The following B4GALT5 variants were observed in gnomAD, a reference collection of about 807,000 sequenced individuals.
The protein encoded by B4GALT5 is UDP-Gal:beta-GlcNAc beta-1,4-galactosyltransferase 5.
A neutral mutation model predicts 45.0 loss-of-function variants in B4GALT5; 11 were observed. The ratio of observed to expected loss-of-function variants is 0.24; its 90% CI spans 0.15 to 0.40. B4GALT5 has a LOEUF of 0.40. B4GALT5 is among the 10% of genes least tolerant of loss of function. The pLI is 1.00. For synonymous variants in B4GALT5, 185 were observed against 182.9 expected (o/e 1.01, Z -0.09); for missense variants, 337 against 500.2 (o/e 0.67, Z 3.11).
intron 1 of B4GALT5, among the ~76,000 whole-genome samples, chr20:49,678,099 C>T (rs6125712): frequency 1.9e-4 from 29 of 152,198 alleles, no homozygotes; most frequent in Non-Finnish European, 4.1e-4. Context: ...TATGTTCCAC[C>T]TTAGGACAAA....
At chr20:49,712,722 A>C (rs1006405438) in intron 1 of B4GALT5, among the ~76,000 whole-genome samples, 3 of 151,794 alleles carry the variant, frequency 2.0e-5, no homozygotes, top group African/African-American at 7.3e-5. Flanking sequence ...AAGTGGAAGA[A>C]AGAACACAGA....
intron 3 of B4GALT5, 103 bp downstream of exon 3, chr20:49,646,862 G>C: frequency 1.5e-6 from 1 of 676,276 alleles, no homozygotes; most frequent in Non-Finnish European, 2.4e-6. Flanking sequence ...TCCAATGGCA[G>C]GGAGGTATTT....
intron 1 of B4GALT5, among the ~76,000 whole-genome samples, chr20:49,685,041 T>G (rs928426065): frequency 2.6e-5 from 4 of 152,220 alleles, no homozygotes; most frequent in Non-Finnish European, 4.4e-5. Context: ...TCAACAATAT[T>G]GTTATTCTGA....
chr20:49,647,593 G>A (rs142768416), intron 2 of B4GALT5, among the ~76,000 whole-genome samples: 2 of 152,254 alleles, frequency 1.3e-5, no homozygotes, highest in African/African-American at 4.8e-5. Flanking sequence ...CATAGCTGTG[G>A]TTAGGACAAT....
At chr20:49,643,038 C>T (rs1296423070) in intron 4 of B4GALT5, among the ~76,000 whole-genome samples, 1 of 152,216 alleles carries the variant, frequency 6.6e-6, no homozygotes, top group African/African-American at 2.4e-5. Flanking sequence ...GCACAGAATA[C>T]GCATTTTAAT....
chr20:49,712,464 C>A (rs1433143094), intron 1 of B4GALT5, among the ~76,000 whole-genome samples: 1 of 77,776 alleles, frequency 1.3e-5, no homozygotes, highest in African/African-American at 5.1e-5. Context: ...TTGGGGCAGG[C>A]GGGGGAGGGG....
chr20:49,636,784 T>C (rs943878545), intron 8 of B4GALT5, among the ~76,000 whole-genome samples: 3 of 152,042 alleles, frequency 2.0e-5, no homozygotes, highest in African/African-American at 7.3e-5. Flanking sequence ...GGTAAAGCAT[T>C]AAAAATACAA....
chr20:49,700,311 A>T (rs1235890773), intron 1 of B4GALT5, among the ~76,000 whole-genome samples: 1 of 152,252 alleles, frequency 6.6e-6, no homozygotes, highest in Non-Finnish European at 1.5e-5. Flanking sequence ...TATAACAATA[A>T]TAAAAGTAAT....
At chr20:49,701,925 G>A (rs1325070330) in intron 1 of B4GALT5, among the ~76,000 whole-genome samples, 1 of 151,992 alleles carries the variant, frequency 6.6e-6, no homozygotes, top group African/African-American at 2.4e-5. Context: ...ATTAGCTGGG[G>A]GTGGTGGCAT....
chr20:49,656,853 C>T, intron 1 of B4GALT5, 151 bp from the exon 2 acceptor site: 2 of 1,018,834 alleles, frequency 2.0e-6, no homozygotes, highest in East Asian at 5.2e-5. Flanking sequence ...CTCTATTTTC[C>T]ATACCTTTCA....
At chr20:49,670,419 A>AC (rs1244682095) in intron 1 of B4GALT5, among the ~76,000 whole-genome samples, 1 of 152,126 alleles carries the variant, frequency 6.6e-6, no homozygotes, top group African/African-American at 2.4e-5. Flanking sequence ...AATGTTCTTT[A>AC]CAACAGTAAT....
chr20:49,641,702 T>C (rs529761973), intron 5 of B4GALT5, among the ~76,000 whole-genome samples: 59 of 152,246 alleles, frequency 3.9e-4, no homozygotes, highest in South Asian at 1.9e-3. Flanking sequence ...AGTGTGCCCA[T>C]AGAGAGAGGT....
intron 2 of B4GALT5, among the ~76,000 whole-genome samples, chr20:49,651,635 A>ACTC (rs1182493753): frequency 6.6e-6 from 1 of 151,832 alleles, no homozygotes; most frequent in Non-Finnish European, 1.5e-5. Flanking sequence ...AAAACAACAG[A>ACTC]CTCCTACCTA....
intron 1 of B4GALT5, among the ~76,000 whole-genome samples, chr20:49,710,405 C>CTCT (rs60154358): frequency 0.39 from 40,563 of 102,760 alleles, 8,099 homozygotes; most frequent in Middle Eastern, 0.56. Context: ...TTTTCTCTCT[C>CTCT]TTTTTTTTTT....
intron 1 of B4GALT5, among the ~76,000 whole-genome samples, chr20:49,674,081 C>CAAAAAAAA (rs34718276): frequency 4.2e-5 from 4 of 94,536 alleles, no homozygotes; most frequent in African/African-American, 7.3e-5. Context: ...ATTAAAAATA[C>CAAAAAAAA]AAAAAAAAAA....
At chr20:49,677,526 G>A (rs1479410577) in intron 1 of B4GALT5, among the ~76,000 whole-genome samples, 1 of 152,202 alleles carries the variant, frequency 6.6e-6, no homozygotes, top group East Asian at 1.9e-4. Context: ...GTTAAAGTAA[G>A]TCTTCTTAAG....
rs1016940826 is a variant in B4GALT5, at chr20:49,634,976, C to G, written c.*1336G>C. On this transcript the variant is annotated 3_prime_UTR_variant, in exon 9 of 9. Coordinates refer to ENST00000371711, the MANE Select transcript of B4GALT5 (RefSeq NM_004776.4). Reference sequence around the variant, plus strand: ...TTAGTCTAATTTCAAAGCTTCAATCCGGTCTTACCTGGATCCCAGCTGCCC... The same window carrying G: ...TTAGTCTAATTTCAAAGCTTCAATCGGGTCTTACCTGGATCCCAGCTGCCC... 1 of 152,232 alleles carries G rather than the reference C, an allele frequency of 6.6e-6. No homozygotes were observed. Among genetic ancestry groups the G allele is most frequent in the African/African-American group, 2.4e-5 (1 of 41,450 alleles). The allele number at this position is 152,232 out of a possible 1,614,324, so 9.4% of individuals were successfully genotyped here.
chr20:49,656,278 C>A (rs2085642621), intron 2 of B4GALT5, among the ~76,000 whole-genome samples: 1 of 152,172 alleles, frequency 6.6e-6, no homozygotes, highest in African/African-American at 2.4e-5. Context: ...CAGACGCTGG[C>A]ATCACACTTC....
At chr20:49,649,531 GA>G (rs1173626162) in intron 2 of B4GALT5, among the ~76,000 whole-genome samples, 2 of 152,072 alleles carry the variant, frequency 1.3e-5, no homozygotes, top group Non-Finnish European at 2.9e-5. Flanking sequence ...GGTGGGCAAT[GA>G]TCACACCACT....
Sources: gnomAD v4.1 joint callset for allele counts (sites outside exome capture counted in the v4.1 genomes callset) on GRCh38, gnomAD v4.1.1 for gene constraint, MANE v1.5 for transcripts, NCBI Gene and HGNC (gene_info 2026-07-23, HGNC 2026-07-21) for gene names.